Variants in WIPI2 observed in about 807,000 individuals in gnomAD.
WIPI2 encodes the protein WD repeat domain, phosphoinositide interacting 2.
A neutral mutation model predicts 52.3 loss-of-function variants in WIPI2; 28 were observed. That is an observed-to-expected ratio of 0.54 (90% CI 0.40 to 0.73). The LOEUF (loss-of-function observed/expected upper bound fraction) is 0.73. Among genes scored for constraint, WIPI2 ranks in the 30% least tolerant of loss-of-function variants. The pLI is 0.00. For synonymous variants in WIPI2, 268 were observed against 245.0 expected (o/e 1.09, Z -0.88); for missense variants, 506 against 602.9 (o/e 0.84, Z 1.68).
At chr7:5,202,277 G>T (rs1223182549) in intron 3 of WIPI2, among the ~76,000 whole-genome samples, 1 of 152,134 alleles carries the variant, frequency 6.6e-6, no homozygotes, top group Non-Finnish European at 1.5e-5. Flanking sequence ...ACAAAAGCTT[G>T]GTCTAGCAGT....
At position 5,225,940 on chromosome 7, in the gene WIPI2, A is replaced by C; in HGVS notation, c.848+10A>C. 1.2e-6 allele frequency: 2 copies of C among 1,609,474 alleles called. No individual in the cohort carries two copies. The highest frequency in any genetic ancestry group is 1.7e-6 in the Non-Finnish European group (2 of 1,177,216). On this transcript the variant is annotated intron_variant, in intron 9 of 12. Coordinates refer to ENST00000288828, the MANE Select transcript of WIPI2 (RefSeq NM_015610.4). ...AGACTGTGAAAGAAAAGTGAGTTGC[A>C]AATATACGTTTCTTTAAAAATGATG...
intron 7 of WIPI2, 64 bp downstream of exon 7, chr7:5,218,078 T>G (rs1782915206): frequency 6.5e-7 from 1 of 1,546,724 alleles, no homozygotes; most frequent in Non-Finnish European, 8.9e-7. Context: ...TTCAGTTCTG[T>G]TCACACAGCC....
intron 1 of WIPI2, among the ~76,000 whole-genome samples, chr7:5,191,970 GA>G (rs1159346923): frequency 6.6e-6 from 1 of 152,134 alleles, no homozygotes; most frequent in Non-Finnish European, 1.5e-5. Flanking sequence ...CTGGGTTTTG[GA>G]ATTGGTTAAT....
At chr7:5,223,312 C>T (rs1423298687) in intron 8 of WIPI2, among the ~76,000 whole-genome samples, 1 of 152,192 alleles carries the variant, frequency 6.6e-6, no homozygotes, top group Non-Finnish European at 1.5e-5. Context: ...CGGGACCCCA[C>T]CTCAGGTCTG....
intron 7 of WIPI2, among the ~76,000 whole-genome samples, chr7:5,220,735 C>G (rs34384779): frequency 0.039 from 5,971 of 152,048 alleles, 169 homozygotes; most frequent in South Asian, 0.12. Flanking sequence ...CTTGGCCTCC[C>G]CAAGTGCTGG....
At chr7:5,205,223 G>A (rs972454208) in intron 3 of WIPI2, among the ~76,000 whole-genome samples, 16 of 152,260 alleles carry the variant, frequency 1.1e-4, no homozygotes, top group African/African-American at 2.9e-4. Context: ...TTATCCATCC[G>A]CCTCAGCTTC....
rs770614057 is a variant in WIPI2 at position 5,225,948 on chromosome 7, G to A, written c.848+18G>A. On this transcript the variant is annotated intron_variant, in intron 9 of 12. Transcript: ENST00000288828. ...AAAGAAAAGTGAGTTGCAAATATACGTTTCTTTAAAAATGATGCAAAACCC... is the reference window on the plus strand; with the variant it reads ...AAAGAAAAGTGAGTTGCAAATATACATTTCTTTAAAAATGATGCAAAACCC... 3.7e-6 allele frequency: 6 copies of A among 1,603,238 alleles called. No homozygotes were observed. The highest frequency in any genetic ancestry group is 1.6e-4 in the Middle Eastern group (1 of 6,066).
intron 3 of WIPI2, among the ~76,000 whole-genome samples, chr7:5,203,906 A>C (rs1284571214): frequency 4.6e-5 from 7 of 151,884 alleles, no homozygotes; most frequent in Non-Finnish European, 8.8e-5. Context: ...TATAGGCGTG[A>C]GCCACCACAC....
At chr7:5,202,661 T>C (rs1782086449) in intron 3 of WIPI2, among the ~76,000 whole-genome samples, 3 of 152,162 alleles carry the variant, frequency 2.0e-5, no homozygotes, top group Admixed American at 2.0e-4. Flanking sequence ...GCTGGGATTA[T>C]AGGCGTGAGC....
intron 3 of WIPI2, among the ~76,000 whole-genome samples, chr7:5,207,454 T>G (rs1040024957): frequency 1.6e-4 from 25 of 152,244 alleles, no homozygotes; most frequent in Non-Finnish European, 5.9e-5. Context: ...TCTGCATTTT[T>G]TTTAGATTTA....
chr7:5,212,785 G>A (rs1363945672), intron 3 of WIPI2, among the ~76,000 whole-genome samples: 2 of 152,188 alleles, frequency 1.3e-5, no homozygotes, highest in South Asian at 2.1e-4. Flanking sequence ...CCCAAAGTGC[G>A]GGGATTACAG....
chr7:5,215,837 T>C (rs1341999726), intron 4 of WIPI2, among the ~76,000 whole-genome samples: 1 of 152,248 alleles, frequency 6.6e-6, no homozygotes, highest in Non-Finnish European at 1.5e-5. Flanking sequence ...TCTGCATGTC[T>C]ACATTCATTT....
At chr7:5,225,759 T>G (rs1783399061) in intron 8 of WIPI2, 64 bp from the exon 9 acceptor site, 3 of 1,213,982 alleles carry the variant, frequency 2.5e-6, no homozygotes, top group Non-Finnish European at 3.6e-6. Flanking sequence ...CTCCGCCACT[T>G]GAGTTGAACC....
intron 2 of WIPI2, among the ~76,000 whole-genome samples, chr7:5,197,137 AAAAAAAAAAC>A (rs1781792642): frequency 3.3e-5 from 5 of 150,556 alleles, no homozygotes; most frequent in Non-Finnish European, 5.9e-5. Flanking sequence ...AAAAAAAAAA[AAAAAAAAAAC>A]CATAAAATAA....
intron 2 of WIPI2, among the ~76,000 whole-genome samples, chr7:5,196,857 A>G (rs1018109901): frequency 6.6e-6 from 1 of 152,106 alleles, no homozygotes; most frequent in African/African-American, 2.4e-5. Flanking sequence ...CACACCTGTA[A>G]TCCCAGCACT....
intron 2 of WIPI2, 56 bp from the exon 3 acceptor site, chr7:5,199,520 A>G (rs891263050): frequency 2.3e-5 from 35 of 1,515,412 alleles, no homozygotes; most frequent in Non-Finnish European, 2.9e-5. Context: ...GCTGGTTTCT[A>G]CATTGTCACT....
At chr7:5,197,842 T>C (rs1423284955) in intron 2 of WIPI2, among the ~76,000 whole-genome samples, 1 of 152,224 alleles carries the variant, frequency 6.6e-6, no homozygotes, top group Non-Finnish European at 1.5e-5. Flanking sequence ...TTAAAAGTGA[T>C]CCTGGTATCT....
intron 7 of WIPI2, among the ~76,000 whole-genome samples, chr7:5,219,558 C>T (rs1212524902): frequency 6.6e-6 from 1 of 152,168 alleles, no homozygotes; most frequent in Admixed American, 6.5e-5. Flanking sequence ...CGCTCTGTCC[C>T]AGGTGCTGAG....
intron 11 of WIPI2, 82 bp from the exon 12 acceptor site, chr7:5,229,526 T>G: frequency 6.6e-7 from 1 of 1,518,184 alleles, no homozygotes; most frequent in South Asian, 1.2e-5. Flanking sequence ...GCTGGCTCTG[T>G]TGCCGCAGGG....
Sources: gnomAD v4.1 joint callset for allele counts (sites outside exome capture counted in the v4.1 genomes callset) on GRCh38, gnomAD v4.1.1 for gene constraint, MANE v1.5 for transcripts, NCBI Gene and HGNC (gene_info 2026-07-23, HGNC 2026-07-21) for gene names.